The following DKK2 variants were observed in gnomAD, a reference collection of about 807,000 sequenced individuals.
DKK2 encodes dickkopf-related protein 2.
A neutral mutation model predicts 28.1 loss-of-function variants in DKK2; 11 were observed. The ratio of observed to expected loss-of-function variants is 0.39; its 90% CI spans 0.25 to 0.65. The LOEUF (loss-of-function observed/expected upper bound fraction) is 0.65. Ranked by LOEUF, DKK2 falls within the 30% of genes least tolerant of loss-of-function variation. DKK2 has a pLI of 0.47. For missense variants in DKK2, 326 were observed against 335.5 expected (o/e 0.97, Z 0.22); for synonymous variants, 135 against 126.5 (o/e 1.07, Z -0.45).
intron 1 of DKK2, among the ~76,000 whole-genome samples, chr4:106,979,469 A>T (rs1722995409): frequency 6.6e-6 from 1 of 150,382 alleles, no homozygotes; most frequent in Admixed American, 6.6e-5. Flanking sequence ...CAAATACAGG[A>T]AGAGTGTAGG....
chr4:107,035,883 G>A lies in DKK2; in HGVS notation c.-292C>T. The stretch of plus-strand genomic sequence containing the variant: ...TTCTCGCCAAGGAGGCGTGACCCAA[G>A]GTGCAAGAAAACCCAGCCCTGTGGA... On this transcript the variant is annotated 5_prime_UTR_variant, in exon 1 of 4. Coordinates refer to ENST00000285311, the MANE Select transcript of DKK2 (RefSeq NM_014421.3). 2 of 460,912 alleles carry A rather than the reference G, an allele frequency of 4.3e-6. No homozygotes were observed. The allele number at this position is 460,912 out of a possible 1,614,324, so 28.6% of individuals were successfully genotyped here.
At chr4:106,956,580 C>CCCTCAGAAATAACACTGCATATCTAT (rs1722595625) in intron 1 of DKK2, among the ~76,000 whole-genome samples, 3 of 152,090 alleles carry the variant, frequency 2.0e-5, no homozygotes, top group African/African-American at 7.2e-5. Flanking sequence ...CAGAACAGAG[C>CCCTCAGAAATAACACTGCATATCTAT]CCTCAGAAAT....
At chr4:107,023,646 G>A (rs1044969455) in intron 1 of DKK2, among the ~76,000 whole-genome samples, 1 of 152,046 alleles carries the variant, frequency 6.6e-6, no homozygotes, top group Non-Finnish European at 1.5e-5. Flanking sequence ...TAATAATAAT[G>A]TATCAACATT....
chr4:106,968,963 A>C (rs145701914), intron 1 of DKK2, among the ~76,000 whole-genome samples: 141 of 152,278 alleles, frequency 9.3e-4, no homozygotes, highest in African/African-American at 3.2e-3. Flanking sequence ...AGCATAACTA[A>C]GGCATACCTG....
chr4:106,934,028 T>C (rs960396543), intron 1 of DKK2, among the ~76,000 whole-genome samples: 1 of 148,884 alleles, frequency 6.7e-6, no homozygotes, highest in Non-Finnish European at 1.5e-5. Flanking sequence ...ATACACACAC[T>C]ATATATATAT....
intron 1 of DKK2, among the ~76,000 whole-genome samples, chr4:106,939,080 C>A (rs1724648381): frequency 6.6e-6 from 1 of 152,192 alleles, no homozygotes; most frequent in African/African-American, 2.4e-5. Flanking sequence ...CTCACCACTC[C>A]TATTCAACAT....
intron 1 of DKK2, among the ~76,000 whole-genome samples, chr4:107,009,011 TA>T (rs1237290308): frequency 6.6e-6 from 1 of 151,970 alleles, no homozygotes; most frequent in African/African-American, 2.4e-5. Flanking sequence ...AGCTGCCAAA[TA>T]AAGATTTTCT....
At chr4:106,967,596 A>G (rs555999582) in intron 1 of DKK2, among the ~76,000 whole-genome samples, 1 of 152,226 alleles carries the variant, frequency 6.6e-6, no homozygotes, top group African/African-American at 2.4e-5. Context: ...GATTTTTAGG[A>G]GGGTGATGAC....
chr4:107,003,408 C>T (rs1429717621), intron 1 of DKK2, among the ~76,000 whole-genome samples: 1 of 152,230 alleles, frequency 6.6e-6, no homozygotes, highest in African/African-American at 2.4e-5. Context: ...ATTGTGCTCA[C>T]GCTCTACTTC....
intron 1 of DKK2, among the ~76,000 whole-genome samples, chr4:107,029,181 C>T (rs1578384403): frequency 6.6e-6 from 1 of 152,022 alleles, no homozygotes; most frequent in Non-Finnish European, 1.5e-5. Flanking sequence ...TGGAGTTATA[C>T]CCATGTCATT....
chr4:106,970,901 T>C (rs1722859835), intron 1 of DKK2, among the ~76,000 whole-genome samples: 1 of 152,096 alleles, frequency 6.6e-6, no homozygotes, highest in Non-Finnish European at 1.5e-5. Context: ...TGAGAAGGAC[T>C]AGAGAGGTGA....
At chr4:106,933,773 C>A (rs1195939664) in intron 1 of DKK2, among the ~76,000 whole-genome samples, 1 of 151,986 alleles carries the variant, frequency 6.6e-6, no homozygotes, top group Non-Finnish European at 1.5e-5. Context: ...AGTTTATATT[C>A]AGGTAGATAT....
intron 1 of DKK2, among the ~76,000 whole-genome samples, chr4:107,006,492 A>G (rs1325674434): frequency 1.3e-5 from 2 of 152,226 alleles, no homozygotes; most frequent in African/African-American, 2.4e-5. Context: ...TTTAGTAACC[A>G]AGAAGGTTTG....
chr4:106,923,632 A>G lies in DKK2; in HGVS notation c.*322T>C, dbSNP rs1724380979. On this transcript the variant is annotated 3_prime_UTR_variant, in exon 4 of 4. Transcript: ENST00000285311. ...TGAAGGAAACCTCTCCTCCAGCACAACCTAAACTCTTGGAAAGTCACATGC... is the reference window on the plus strand; with the variant it reads ...TGAAGGAAACCTCTCCTCCAGCACAGCCTAAACTCTTGGAAAGTCACATGC... The G allele has an allele frequency of 3.8e-6, 1 of 264,434 alleles. No individual in the cohort carries two copies. The highest frequency in any genetic ancestry group is 8.8e-5 in the East Asian group (1 of 11,328). The allele number at this position is 264,434 out of a possible 1,614,324, so 16.4% of individuals were successfully genotyped here.
intron 1 of DKK2, among the ~76,000 whole-genome samples, chr4:107,028,751 T>A (rs1185222592): frequency 1.3e-4 from 20 of 152,124 alleles, no homozygotes; most frequent in Non-Finnish European, 7.4e-5. Context: ...AGACTCTAAA[T>A]TTAGAGAATT....
At chr4:106,965,684 C>T (rs905719570) in intron 1 of DKK2, among the ~76,000 whole-genome samples, 7 of 149,504 alleles carry the variant, frequency 4.7e-5, no homozygotes, top group South Asian at 2.1e-4. Context: ...CATGCTGGTG[C>T]GCTGCACCCA....
chr4:107,019,635 T>C (rs1005895105), intron 1 of DKK2, among the ~76,000 whole-genome samples: 6 of 152,080 alleles, frequency 3.9e-5, no homozygotes, highest in Admixed American at 3.3e-4. Context: ...CCACATTTAA[T>C]GTCAGACTGC....
intron 1 of DKK2, among the ~76,000 whole-genome samples, chr4:106,946,787 T>C (rs1724782690): frequency 6.6e-6 from 1 of 151,966 alleles, no homozygotes; most frequent in Non-Finnish European, 1.5e-5. Context: ...ACAAGCTGGA[T>C]GGTTCAAAAT....
chr4:106,987,556 G>T (rs755451918), intron 1 of DKK2, among the ~76,000 whole-genome samples: 1 of 152,074 alleles, frequency 6.6e-6, no homozygotes, highest in Non-Finnish European at 1.5e-5. Flanking sequence ...CTGAGGAAAG[G>T]GACGCAGGAT....
Sources: allele counts gnomAD v4.1 joint callset (sites outside exome capture counted in the v4.1 genomes callset), GRCh38; gene constraint gnomAD v4.1.1; transcripts MANE v1.5; gene names NCBI Gene and HGNC (gene_info 2026-07-23, HGNC 2026-07-21).